Variants in CMKLR1 observed in about 807,000 individuals in gnomAD.
The protein encoded by CMKLR1 is chemerin chemokine-like receptor 1, also known as chemerin-like receptor 1.
A neutral mutation model predicts 8.2 loss-of-function variants in CMKLR1; 6 were observed. That is an observed-to-expected ratio of 0.73 (90% CI 0.40 to 1.44). CMKLR1 has a LOEUF of 1.44. Among genes scored for constraint, CMKLR1 ranks in the 40% most tolerant of loss-of-function variants. The pLI is 0.02. For missense variants in CMKLR1, 429 were observed against 478.0 expected (o/e 0.90, Z 0.96); for synonymous variants, 178 against 181.2 (o/e 0.98, Z 0.14).
intron 1 of CMKLR1, among the ~76,000 whole-genome samples, chr12:108,330,510 T>C (rs1892080494): frequency 6.6e-6 from 1 of 152,194 alleles, no homozygotes; most frequent in Non-Finnish European, 1.5e-5. Flanking sequence ...CCACAGCACA[T>C]GGTGAGGGGT....
At chr12:108,330,517 G>A (rs979963665) in intron 1 of CMKLR1, among the ~76,000 whole-genome samples, 2 of 152,216 alleles carry the variant, frequency 1.3e-5, no homozygotes, top group African/African-American at 4.8e-5. Context: ...ACATGGTGAG[G>A]GGTGTGGACT....
intron 2 of CMKLR1, among the ~76,000 whole-genome samples, chr12:108,295,234 A>T (rs1891102550): frequency 1.3e-5 from 2 of 152,228 alleles, no homozygotes; most frequent in Non-Finnish European, 2.9e-5. Context: ...TAACCCCATA[A>T]GGGGCTACAG....
chr12:108,327,963 G>A (rs1275750703), intron 2 of CMKLR1, among the ~76,000 whole-genome samples: 2 of 152,192 alleles, frequency 1.3e-5, no homozygotes, highest in Non-Finnish European at 2.9e-5. Context: ...AGACCTGTCA[G>A]AAACCCTGTG....
At position 108,295,244 on chromosome 12, in the gene CMKLR1, G is replaced by T. The variant is rs547835828; in HGVS notation, c.-73-1580C>A. On this transcript the variant is annotated intron_variant, in intron 2 of 3. Coordinates refer to ENST00000550402, the MANE Select transcript of CMKLR1 (RefSeq NM_001142343.2). ...CACTTTAACCCCATAAGGGGCTACA[G>T]CAGGGCTCAGAGAGATCAGGACCCA... Among the ~76,000 whole-genome samples, 12 of 152,366 alleles carry T rather than the reference G, an allele frequency of 7.9e-5. No homozygotes were observed. The South Asian group carries it at 2.5e-3, about 32-fold the overall frequency.
At chr12:108,335,063 A>G (rs1475887486) in intron 1 of CMKLR1, among the ~76,000 whole-genome samples, 8 of 152,204 alleles carry the variant, frequency 5.3e-5, no homozygotes, top group African/African-American at 1.9e-4. Context: ...TGTGAGTCCA[A>G]CATCACCATG....
At chr12:108,331,424 T>C (rs1020631643) in intron 1 of CMKLR1, among the ~76,000 whole-genome samples, 1 of 129,748 alleles carries the variant, frequency 7.7e-6, no homozygotes, top group East Asian at 2.0e-4. Flanking sequence ...TCCATTCTAA[T>C]TGGTCAATAC....
intron 2 of CMKLR1, among the ~76,000 whole-genome samples, chr12:108,297,691 G>T (rs193112693): frequency 1.7e-4 from 26 of 152,290 alleles, no homozygotes; most frequent in African/African-American, 5.8e-4. Context: ...GACTTCCAAG[G>T]ATCCCAAGTG....
intron 2 of CMKLR1, among the ~76,000 whole-genome samples, chr12:108,326,756 G>A (rs1187396134): frequency 6.6e-6 from 1 of 152,206 alleles, no homozygotes; most frequent in Non-Finnish European, 1.5e-5. Context: ...CTGGGGGCTA[G>A]AGCGGAGGAG....
intron 1 of CMKLR1, among the ~76,000 whole-genome samples, chr12:108,332,519 G>A (rs778417676): frequency 3.3e-5 from 5 of 152,154 alleles, no homozygotes; most frequent in Non-Finnish European, 5.9e-5. Context: ...TTACTCCGGT[G>A]GGCACAATCT....
At chr12:108,318,395 AG>A (rs1161976334) in intron 2 of CMKLR1, among the ~76,000 whole-genome samples, 4 of 152,208 alleles carry the variant, frequency 2.6e-5, no homozygotes, top group African/African-American at 9.7e-5. Context: ...CCATGTCTTT[AG>A]TACAAAGTCT....
intron 2 of CMKLR1, among the ~76,000 whole-genome samples, chr12:108,323,699 G>A (rs1422135845): frequency 6.6e-6 from 1 of 152,194 alleles, no homozygotes; most frequent in East Asian, 1.9e-4. Flanking sequence ...GTAGGACTTG[G>A]GGTGCAGTCC....
rs368753612 is a variant in CMKLR1, at chr12:108,292,642, G to A, written c.321C>T (p.Phe107=). The A allele has an allele frequency of 2.1e-4, 347 of 1,614,140 alleles. 4 individuals carry two copies. The South Asian group carries it at 3.2e-3, about 15-fold the overall frequency. The part of the protein sequence containing the change: ...TYAAMDYHWV[F]GTAMCKISNF... ...TGCTGATCTTGCACATGGCTGTCCC[G>A]AAAACCCAGTGGTAGTCCATGGCGG... Residue 107 remains phenylalanine, a synonymous_variant, in exon 4 of 4, where the codon TTC becomes TTT. Transcript: ENST00000550402.
chr12:108,326,245 G>A (rs200707914), intron 2 of CMKLR1, among the ~76,000 whole-genome samples: 2 of 152,168 alleles, frequency 1.3e-5, no homozygotes, highest in Admixed American at 1.3e-4. Context: ...TGCAGCAGAG[G>A]AGGCTGTGGC....
chr12:108,304,368 A>C (rs1891353359), intron 2 of CMKLR1, among the ~76,000 whole-genome samples: 1 of 152,166 alleles, frequency 6.6e-6, no homozygotes, highest in Non-Finnish European at 1.5e-5. Flanking sequence ...CTATGGGCTC[A>C]GTGTACAGCA....
chr12:108,322,195 C>T (rs921774696), intron 2 of CMKLR1, among the ~76,000 whole-genome samples: 2 of 152,128 alleles, frequency 1.3e-5, no homozygotes, highest in African/African-American at 4.8e-5. Context: ...TTCTGAGTCC[C>T]GGATCCCTGG....
rs989973602 is a variant in CMKLR1, at chr12:108,288,720, A to T, written c.*3121T>A. 1.3e-5 allele frequency: 2 copies of T among 152,138 alleles called. No individual in the cohort carries two copies. The highest frequency in any genetic ancestry group is 4.8e-5 in the African/African-American group (2 of 41,456). 9.4% of individuals were successfully genotyped at this position (152,138 alleles called of 1,614,324 possible). A position where few individuals can be genotyped will look rare whatever the true frequency, so the allele number is the denominator to read the frequency against. ...TTGCTGGCTCAAGGGTCAGCTGGAG[A>T]TGGTTCTGAAATCAAATTCCTCCCA... On this transcript the variant is annotated 3_prime_UTR_variant, in exon 4 of 4. Coordinates refer to ENST00000550402, the MANE Select transcript of CMKLR1 (RefSeq NM_001142343.2).
chr12:108,334,389 C>A (rs151279184), intron 1 of CMKLR1, among the ~76,000 whole-genome samples: 2 of 152,348 alleles, frequency 1.3e-5, no homozygotes, highest in Admixed American at 1.3e-4. Context: ...ATGTGGCCAG[C>A]CCAGTTGAAG....
chr12:108,293,619 A>T lies in CMKLR1; in HGVS notation c.-28T>A. 1 of 1,550,506 alleles carries T rather than the reference A, an allele frequency of 6.4e-7. No individual in the cohort carries two copies. The highest frequency in any genetic ancestry group is 8.7e-7 in the Non-Finnish European group (1 of 1,146,718). On this transcript the variant is annotated 5_prime_UTR_variant, in exon 3 of 4. Transcript: ENST00000550402. Reference sequence around the variant, plus strand: ...ACCGTTATGTTGTCTGCAGCTCTCCAATGTGAGTCCTCAGCCAATCAGTCC... The same window carrying T: ...ACCGTTATGTTGTCTGCAGCTCTCCTATGTGAGTCCTCAGCCAATCAGTCC...
At chr12:108,304,190 C>T (rs1002616232) in intron 2 of CMKLR1, among the ~76,000 whole-genome samples, 2 of 152,214 alleles carry the variant, frequency 1.3e-5, no homozygotes, top group African/African-American at 4.8e-5. Context: ...CATGGGTCGA[C>T]TTGGCCACAG....
Sources: allele counts gnomAD v4.1 joint callset (sites outside exome capture counted in the v4.1 genomes callset), GRCh38; gene constraint gnomAD v4.1.1; transcripts MANE v1.5; gene names NCBI Gene and HGNC (gene_info 2026-07-23, HGNC 2026-07-21).